Variants in LIMCH1 observed in about 807,000 individuals in gnomAD.
LIMCH1 encodes the protein LIM and calponin homology domains-containing protein 1.
Under a neutral mutation model 176.5 loss-of-function variants are expected in LIMCH1, and 113 were observed. The ratio of observed to expected loss-of-function variants is 0.64; its 90% confidence interval spans 0.55 to 0.75. LIMCH1 has a LOEUF of 0.75. Ranked by LOEUF, LIMCH1 falls within the 30% of genes least tolerant of loss-of-function variation. LIMCH1 has a pLI of 0.00. For synonymous variants in LIMCH1, 619 were observed against 645.9 expected, an observed-to-expected ratio of 0.96 and a Z score of 0.63; for missense variants, 1,674 against 1,814.9, an observed-to-expected ratio of 0.92 and a Z score of 1.41.
chr4:41,467,394 G>A (rs186343003), intron 1 of LIMCH1, among the ~76,000 whole-genome samples: 210 of 152,284 alleles, frequency 1.4e-3, no homozygotes, highest in Admixed American at 3.1e-3. Context: ...GATTTATGAA[G>A]GAAAGAGGTT....
At chr4:41,619,924 CT>C (rs1246204156) in intron 6 of LIMCH1, 10 of 184,406 alleles carry the variant, frequency 5.4e-5, no homozygotes, top group Admixed American at 2.7e-4. Context: ...GATTTCTCAT[CT>C]CTTTAGAGAA....
chr4:41,627,133 G>C, intron 8 of LIMCH1, 123 bp downstream of exon 8: 1 of 1,285,604 alleles, frequency 7.8e-7, no homozygotes, highest in Non-Finnish European at 1.0e-6. Context: ...CCTCTTTCCA[G>C]CCTCTCAATT....
Position 41,619,426 on chromosome 4 carries a change from G to A in LIMCH1, c.444G>A (p.Gly148=). 4 of 1,609,860 alleles carry A rather than the reference G, an allele frequency of 2.5e-6. No homozygotes were observed. The highest frequency in any genetic ancestry group is 4.5e-5 in the East Asian group (2 of 44,878). Residue 148 remains glycine, a synonymous_variant, in exon 6 of 32, where the codon GGG becomes GGA. Coordinates refer to ENST00000503057, the MANE Select transcript of LIMCH1 (RefSeq NM_001330672.2). The part of the protein sequence containing the change: ...SWSTATSPLG[G]ERPFSFPETI... ...GTACCGCCACCTCCCCGCTGGGTGGGGAGAGGCCCTTCAGGTAAGGCCTGA... is the reference window on the plus strand; with the variant it reads ...GTACCGCCACCTCCCCGCTGGGTGGAGAGAGGCCCTTCAGGTAAGGCCTGA...
intron 1 of LIMCH1, among the ~76,000 whole-genome samples, chr4:41,435,312 A>G (rs1438732461): frequency 2.0e-5 from 3 of 152,242 alleles, no homozygotes; most frequent in African/African-American, 7.2e-5. Context: ...AGAAGGGACC[A>G]TGAGCAAAGG....
Position 41,681,726 on chromosome 4 carries a change from G to GCA in LIMCH1, c.3718-607_3718-606insCA, listed in dbSNP as rs1322177040. ...AATGCATGCTGGGCTTAACACTCAGGTGATGGGTGCAGCAAACCACCATGG... is the reference window on the plus strand; with the variant it reads ...AATGCATGCTGGGCTTAACACTCAGGCATGATGGGTGCAGCAAACCACCATGG... On this transcript the variant is annotated intron_variant, in intron 25 of 31. Coordinates refer to ENST00000503057, the MANE Select transcript of LIMCH1 (RefSeq NM_001330672.2). 2.0e-5 allele frequency among the ~76,000 whole-genome samples: 3 copies of GCA among 152,208 alleles called. No homozygotes were observed. The East Asian group carries it at 5.8e-4, about 29-fold the overall frequency.
chr4:41,622,243 A>G (rs957535873), intron 7 of LIMCH1, among the ~76,000 whole-genome samples: 4 of 152,166 alleles, frequency 2.6e-5, no homozygotes, highest in Non-Finnish European at 4.4e-5. Flanking sequence ...ACCATGTACC[A>G]GAGACTGGAC....
chr4:41,404,840 G>T (rs780193652), intron 1 of LIMCH1, among the ~76,000 whole-genome samples: 26 of 152,100 alleles, frequency 1.7e-4, no homozygotes, highest in Non-Finnish European at 3.5e-4. Flanking sequence ...CCCAATATGT[G>T]ATTCCAGGGC....
chr4:41,631,554 T>A, intron 10 of LIMCH1, 77 bp downstream of exon 10: 1 of 1,174,582 alleles, frequency 8.5e-7, no homozygotes, highest in Non-Finnish European at 1.2e-6. Flanking sequence ...TGAAGCACAT[T>A]ATACAAGCCC....
At chr4:41,482,983 G>A (rs774724613) in intron 1 of LIMCH1, among the ~76,000 whole-genome samples, 3 of 152,140 alleles carry the variant, frequency 2.0e-5, no homozygotes, top group Non-Finnish European at 2.9e-5. Flanking sequence ...AGGGTAATGG[G>A]TATAGGATAC....
At chr4:41,454,063 C>A (rs1208667327) in intron 1 of LIMCH1, among the ~76,000 whole-genome samples, 2 of 152,154 alleles carry the variant, frequency 1.3e-5, no homozygotes, top group African/African-American at 4.8e-5. Flanking sequence ...TCCCCTCCTA[C>A]TTCATGTCAA....
intron 3 of LIMCH1, among the ~76,000 whole-genome samples, chr4:41,526,822 G>A (rs1031179403): frequency 1.3e-5 from 2 of 152,166 alleles, no homozygotes; most frequent in African/African-American, 4.8e-5. Context: ...ACATGCAGTT[G>A]CACCAGTTCA....
intron 5 of LIMCH1, among the ~76,000 whole-genome samples, chr4:41,618,144 T>A (rs549004876): frequency 3.0e-4 from 45 of 152,276 alleles, no homozygotes; most frequent in African/African-American, 9.6e-4. Context: ...GGTAAATAGG[T>A]ATATATTTTA....
intron 1 of LIMCH1, among the ~76,000 whole-genome samples, chr4:41,467,234 A>G (rs1336300749): frequency 6.6e-6 from 1 of 151,604 alleles, no homozygotes; most frequent in Non-Finnish European, 1.5e-5. Context: ...CCATCAAGGG[A>G]CATTTGGGTT....
chr4:41,584,905 A>G (rs1017871589), intron 1 of LIMCH1, among the ~76,000 whole-genome samples: 2 of 152,174 alleles, frequency 1.3e-5, no homozygotes, highest in Non-Finnish European at 2.9e-5. Context: ...TCCAAGATCA[A>G]GGCACTGGCA....
At chr4:41,552,849 T>C (rs2152521068) in intron 1 of LIMCH1, among the ~76,000 whole-genome samples, 1 of 152,352 alleles carries the variant, frequency 6.6e-6, no homozygotes, top group East Asian at 1.9e-4. Flanking sequence ...TTAAGAATTA[T>C]GAGCTGAAAG....
At chr4:41,380,216 T>G (rs1006526911) in intron 1 of LIMCH1, among the ~76,000 whole-genome samples, 8 of 152,224 alleles carry the variant, frequency 5.3e-5, no homozygotes, top group African/African-American at 1.9e-4. Context: ...TAATATGCAC[T>G]ATTTATATTG....
At position 41,620,515 on chromosome 4, in the gene LIMCH1, T is replaced by A; in HGVS notation, c.550T>A (p.Ser184Thr). The change falls in exon 7 of 32, where the codon TCC becomes ACC. Residue 184 changes from serine (S) to threonine (T), a missense_variant. By Grantham distance (58) the Ser-to-Thr change is moderately conservative. Around this residue, in one of 3 missense-constraint regions of LIMCH1, gnomAD observed 655 missense variants for 692.2 expected, o/e 0.95. Transcript: ENST00000503057. ...AGQMNPGWKPSDGGCELPDGS... is the reference protein window; with the variant it reads ...AGQMNPGWKPTDGGCELPDGS... ...CCAAATGAATCCTGGTTGGAAGCCTTCCGATGGTGGGTGTGAATTACCTGA... is the reference window on the plus strand; with the variant it reads ...CCAAATGAATCCTGGTTGGAAGCCTACCGATGGTGGGTGTGAATTACCTGA... 6.5e-7 allele frequency: 1 copy of A among 1,536,390 alleles called. No individual in the cohort carries two copies. The highest frequency in any genetic ancestry group is 8.7e-7 in the Non-Finnish European group (1 of 1,146,962).
intron 1 of LIMCH1, among the ~76,000 whole-genome samples, chr4:41,418,525 C>T (rs1209055704): frequency 6.7e-6 from 1 of 149,826 alleles, no homozygotes; most frequent in Non-Finnish European, 1.5e-5. Context: ...CACCCACAGC[C>T]AAGAGCTGTG....
chr4:41,689,695 C>T (rs960196950), intron 30 of LIMCH1, 60 bp downstream of exon 30: 7 of 1,083,136 alleles, frequency 6.5e-6, no homozygotes, highest in Non-Finnish European at 7.1e-6. Context: ...GGCATCGTTC[C>T]GTGCTGAAAA....
Sources: gnomAD v4.1 joint callset for allele counts (sites outside exome capture counted in the v4.1 genomes callset) on GRCh38, gnomAD v4.1.1 for gene constraint, gnomAD v4.1.1 regional missense constraint, MANE v1.5 for transcripts, NCBI Gene and HGNC (gene_info 2026-07-23, HGNC 2026-07-21) for gene names.